Variants in PRKCZ observed in about 807,000 individuals in gnomAD.
PRKCZ encodes protein kinase C zeta type.
In PRKCZ, 33 loss-of-function variants were observed where a neutral mutation model predicts 79.5. The ratio of observed to expected loss-of-function variants is 0.41; its 90% CI spans 0.31 to 0.55. The LOEUF is 0.55. PRKCZ is among the 20% of genes least tolerant of loss of function. The pLI is 0.19. For missense variants in PRKCZ, 578 were observed against 813.5 expected (o/e 0.71, Z 3.52); for synonymous variants, 342 against 320.9 (o/e 1.07, Z -0.70).
At chr1:2,154,339 A>G (rs1680515134) in intron 9 of PRKCZ, among the ~76,000 whole-genome samples, 1 of 152,082 alleles carries the variant, frequency 6.6e-6, no homozygotes, top group Admixed American at 6.5e-5. Flanking sequence ...GCGTGGAAAG[A>G]TGAGACTCGA....
intron 4 of PRKCZ, among the ~76,000 whole-genome samples, chr1:2,064,822 A>G (rs1660985689): frequency 6.6e-6 from 1 of 152,144 alleles, no homozygotes; most frequent in East Asian, 1.9e-4. Context: ...CCTTTTCAAG[A>G]TTGTTTTGGG....
chr1:2,155,787 CAATG>C (rs1191501761), intron 9 of PRKCZ, among the ~76,000 whole-genome samples: 4 of 149,544 alleles, frequency 2.7e-5, no homozygotes, highest in Non-Finnish European at 5.9e-5. Context: ...ATGACAGTGA[CAATG>C]ATGATGATGG....
At chr1:2,073,785 C>T (rs1364272562) in intron 4 of PRKCZ, 3 of 1,019,496 alleles carry the variant, frequency 2.9e-6, no homozygotes, top group Non-Finnish European at 3.5e-6. Flanking sequence ...CTGCTCCTCG[C>T]GCTCGAGCCT....
chr1:2,162,511 C>A (rs1307906301), intron 10 of PRKCZ, among the ~76,000 whole-genome samples: 1 of 152,230 alleles, frequency 6.6e-6, no homozygotes, highest in Non-Finnish European at 1.5e-5. Context: ...AGTGTTGGAT[C>A]TTCCCATTCA....
intron 10 of PRKCZ, among the ~76,000 whole-genome samples, chr1:2,167,445 C>T (rs977601143): frequency 6.6e-6 from 1 of 151,962 alleles, no homozygotes; most frequent in Non-Finnish European, 1.5e-5. Context: ...CCACAGAGGC[C>T]GTGGAGGCCC....
chr1:2,061,992 G>A (rs1660718117), intron 4 of PRKCZ, among the ~76,000 whole-genome samples: 1 of 152,166 alleles, frequency 6.6e-6, no homozygotes, highest in Admixed American at 6.5e-5. Flanking sequence ...GGGTCGGACT[G>A]GGAGGTGTGT....
intron 16 of PRKCZ, chr1:2,181,947 C>T (rs535036123): frequency 7.5e-5 from 33 of 438,336 alleles, no homozygotes; most frequent in African/African-American, 6.4e-4. Context: ...ACAGCCCCGG[C>T]CCCTCCCTCC....
intron 2 of PRKCZ, among the ~76,000 whole-genome samples, chr1:2,056,183 A>G (rs1164920603): frequency 6.6e-6 from 1 of 152,192 alleles, no homozygotes; most frequent in Non-Finnish European, 1.5e-5. Flanking sequence ...CCCTCCGCCC[A>G]GGACTGACCT....
At position 2,178,820 on chromosome 1, in the gene PRKCZ, C is replaced by T. The variant is rs778214221; in HGVS notation, c.1575+3507C>T. Among the ~76,000 whole-genome samples the T allele has an allele frequency of 7.2e-5, 11 of 152,314 alleles. No individual in the cohort carries two copies. Among genetic ancestry groups the T allele is most frequent in the African/African-American group, 1.7e-4 (7 of 41,566 alleles). On this transcript the variant is annotated intron_variant, in intron 16 of 17. Transcript: ENST00000378567. The surrounding 1 kb of genome is among the most constrained non-coding windows in gnomAD (Gnocchi z 4.3). ...ACCTGTGGACTCAGGGTCTCTTTCA[C>T]GGACTGCGGGGAAGGCAGTGGGAGC...
intron 1 of PRKCZ, among the ~76,000 whole-genome samples, chr1:2,054,051 G>A (rs1275598624): frequency 1.3e-5 from 2 of 152,184 alleles, no homozygotes; most frequent in Non-Finnish European, 1.5e-5. Context: ...CTGGGCTGCT[G>A]TGTCAGGGCC....
At chr1:2,179,228 TC>T (rs1413683646) in intron 16 of PRKCZ, among the ~76,000 whole-genome samples, 2 of 152,142 alleles carry the variant, frequency 1.3e-5, no homozygotes, top group Non-Finnish European at 2.9e-5. Context: ...AGGCTCCTAA[TC>T]CTGAGTCCTC....
At chr1:2,181,728 C>A in intron 16 of PRKCZ, 1 of 445,418 alleles carries the variant, frequency 2.2e-6, no homozygotes. Context: ...CTGGGTCCTG[C>A]TCTGTTCCCA....
rs114873271 is a variant in PRKCZ at position 2,184,298 on chromosome 1, A to C, written c.1576-285A>C. 1,520 of 371,508 alleles carry C rather than the reference A, an allele frequency of 4.1e-3. 16 individuals carry two copies. The highest frequency in any genetic ancestry group is 0.024 in the African/African-American group (1,141 of 47,634). The allele number at this position is 371,508 out of a possible 1,614,324, so 23.0% of individuals were successfully genotyped here. On this transcript the variant is annotated intron_variant, in intron 16 of 17. Coordinates refer to ENST00000378567, the MANE Select transcript of PRKCZ (RefSeq NM_002744.6). ...TGCCCCTCTGAACAAGGACCCCCCC[A>C]AGGAAGGGGGTGGCCTCGCATGGGT...
intron 4 of PRKCZ, among the ~76,000 whole-genome samples, chr1:2,105,552 A>G (rs1306409011): frequency 6.6e-6 from 1 of 152,110 alleles, no homozygotes; most frequent in Non-Finnish European, 1.5e-5. Context: ...GGCACCTGCC[A>G]CCATGCGCAG....
At chr1:2,073,857 A>C in intron 4 of PRKCZ, 1 of 1,059,620 alleles carries the variant, frequency 9.4e-7, no homozygotes, top group Non-Finnish European at 1.1e-6. Context: ...ACGGGAAGGA[A>C]GATGCCTCCC....
intron 4 of PRKCZ, among the ~76,000 whole-genome samples, chr1:2,133,487 G>C (rs982229159): frequency 7.7e-6 from 1 of 129,890 alleles, no homozygotes; most frequent in African/African-American, 3.0e-5. Context: ...CCGCCCCTTG[G>C]TTCCACCCCC....
chr1:2,172,304 G>T lies in PRKCZ; in HGVS notation c.1201G>T (p.Gly401Cys). 6.2e-7 allele frequency: 1 copy of T among 1,613,646 alleles called. No homozygotes were observed. Among genetic ancestry groups the T allele is most frequent in the Non-Finnish European group, 8.5e-7 (1 of 1,180,024 alleles). Reference sequence around the variant, plus strand: ...CCCAGTAACTTTGCCCCCACAGGAAGGCCTGGGCCCTGGTGACACAACGAG... The same window carrying T: ...CCCAGTAACTTTGCCCCCACAGGAATGCCTGGGCCCTGGTGACACAACGAG... Reference protein sequence around the residue: ...KLTDYGMCKEGLGPGDTTSTF... With the variant: ...KLTDYGMCKECLGPGDTTSTF... The change falls in exon 13 of 18, where the codon GGC (glycine) becomes TGC (cysteine). Residue 401 changes from glycine (G) to cysteine (C), a missense_variant. By Grantham distance (159) the Gly-to-Cys change is radical. This residue lies in a region of PRKCZ where 243 missense variants were observed against 467.0 expected (regional missense o/e 0.52). Transcript: ENST00000378567. This position sits in a 1 kb window ranked among gnomAD's most constrained non-coding sequence, Gnocchi z 7.8.
At chr1:2,056,191 C>T (rs1660141039) in intron 2 of PRKCZ, among the ~76,000 whole-genome samples, 1 of 152,214 alleles carries the variant, frequency 6.6e-6, no homozygotes, top group Admixed American at 6.5e-5. Context: ...CCAGGACTGA[C>T]CTCCGGAGAG....
chr1:2,184,503 A>G (rs928981675), intron 16 of PRKCZ, 80 bp from the exon 17 acceptor site: 2 of 1,001,558 alleles, frequency 2.0e-6, no homozygotes, highest in Admixed American at 2.4e-5. Flanking sequence ...TCATTTTGTG[A>G]TTGAAGTGCG....
Sources: gnomAD v4.1 joint callset for allele counts (sites outside exome capture counted in the v4.1 genomes callset) on GRCh38, gnomAD v4.1.1 for gene constraint, gnomAD v4.1.1 regional missense constraint, Gnocchi (gnomAD v3.1) non-coding constraint, MANE v1.5 for transcripts, NCBI Gene and HGNC (gene_info 2026-07-23, HGNC 2026-07-21) for gene names.